ABCA2: variants seen among roughly 807,000 people sequenced by gnomAD.
The protein encoded by ABCA2 is ATP-binding cassette sub-family A member 2.
A neutral mutation model predicts 262.8 loss-of-function variants in ABCA2; 84 were observed. The ratio of observed to expected loss-of-function variants is 0.32; its 90% CI spans 0.27 to 0.38. The LOEUF is 0.38. Ranked by LOEUF, ABCA2 falls within the 10% of genes least tolerant of loss-of-function variation. The pLI is 1.00. For missense variants in ABCA2, 2,662 were observed against 3,405.9 expected, an observed-to-expected ratio of 0.78 and a Z score of 5.44; for synonymous variants, 1,696 against 1,502.9, an observed-to-expected ratio of 1.13 and a Z score of -2.97.
chr9:137,024,262 A>T (rs1226314626), intron 1 of ABCA2, 26 bp from the exon 2 acceptor site: 5 of 1,585,872 alleles, frequency 3.2e-6, no homozygotes, highest in East Asian at 2.3e-5. Flanking sequence ...CCAGTGAGGG[A>T]TAGGACAGAC....
In ABCA2 at chr9:137,014,350, C is replaced by T. The variant is rs762192360; in HGVS notation, c.4058G>A (p.Gly1353Glu). The T allele has an allele frequency of 3.9e-5, 62 of 1,602,992 alleles. No individual in the cohort carries two copies. In the Admixed American group the frequency reaches 1.0e-3, roughly 26 times the overall value. The change falls in exon 27 of 49, where the codon GGG becomes GAG. Residue 1353 changes from glycine to glutamate, a missense_variant. Gly to Glu is a moderately conservative substitution (Grantham distance 98). This residue lies in a region of ABCA2 where 297 missense variants were observed against 286.5 expected (regional missense o/e 1.04). Coordinates refer to ENST00000341511, the MANE Select transcript of ABCA2 (RefSeq NM_001606.5). ...GGCCAGATTGCCAGCGTGACCCTCC[C>T]CAGACGCCGGGCCCTCCGCCCCAGG... is the stretch of plus-strand genomic sequence containing the variant. ...VLPGAEGPAS[G>E]EGHAGNLARC...
rs774066387 is a variant in ABCA2, at chr9:137,010,134, C to G, written c.6354-10G>C. On this transcript the variant is annotated splice_polypyrimidine_tract_variant and intron_variant, in intron 41 of 48. Coordinates refer to ENST00000341511, the MANE Select transcript of ABCA2 (RefSeq NM_001606.5). ...CAGCTCCTTCAGCACGCTGGGGACACGGCAGCTGTCAGCGCGTGAGGACGC... is the reference window on the plus strand; with the variant it reads ...CAGCTCCTTCAGCACGCTGGGGACAGGGCAGCTGTCAGCGCGTGAGGACGC... The G allele has an allele frequency of 6.3e-7, 1 of 1,591,164 alleles. No individual in the cohort carries two copies. Among genetic ancestry groups the G allele is most frequent in the African/African-American group, 1.3e-5 (1 of 74,584 alleles).
At chr9:137,025,971 G>T (rs1218144228) in intron 1 of ABCA2, among the ~76,000 whole-genome samples, 1 of 152,212 alleles carries the variant, frequency 6.6e-6, no homozygotes, top group Admixed American at 6.5e-5. Flanking sequence ...GACCAGCCCA[G>T]TGCCTTCACA....
chr9:137,018,862 CAG>C (rs2131456520), intron 12 of ABCA2, 39 bp downstream of exon 12: 1 of 1,612,282 alleles, frequency 6.2e-7, no homozygotes, highest in East Asian at 2.2e-5. Flanking sequence ...ATGTGCGAGG[CAG>C]GGGGTGTCGT....
chr9:137,023,947 A>T, intron 2 of ABCA2, 107 bp from the exon 3 acceptor site: 1 of 1,437,600 alleles, frequency 7.0e-7, no homozygotes, highest in Non-Finnish European at 9.6e-7. Context: ...CGTTGGCATC[A>T]TCATTCGCGG....
Position 137,016,344 on chromosome 9 carries a change from C to T in ABCA2, c.3051G>A (p.Glu1017=). 1 of 1,612,908 alleles carries T rather than the reference C, an allele frequency of 6.2e-7. No homozygotes were observed. Among genetic ancestry groups the T allele is most frequent in the Non-Finnish European group, 8.5e-7 (1 of 1,179,984 alleles). Residue 1017 remains glutamate, a synonymous_variant, in exon 21 of 49, where the codon GAG becomes GAA. Transcript: ENST00000341511. The part of the protein sequence containing the change: ...ALNKLSLNLY[E]NQVVSFLGHN... The stretch of plus-strand genomic sequence containing the variant: ...GGCCCAAGAAGGAGACCACCTGGTT[C>T]TCGTAGAGGTTCAGGCTCAGCTTGT...
chr9:137,014,432 A>G (rs766704138), intron 26 of ABCA2, 28 bp from the exon 27 acceptor site: 3 of 1,555,768 alleles, frequency 1.9e-6, no homozygotes, highest in Non-Finnish European at 2.6e-6. Context: ...CCGAGGGGAC[A>G]CTCAGGGCTA....
rs754009794 is a variant in ABCA2, at chr9:137,022,832, C to A, written c.309G>T (p.Val103=). 4 of 1,588,216 alleles carry A rather than the reference C, an allele frequency of 2.5e-6. No homozygotes were observed. In the Admixed American group the frequency reaches 7.1e-5, roughly 28 times the overall value. The change falls in exon 5 of 49, where the codon GTG becomes GTT. Residue 103 remains valine, a synonymous_variant. Coordinates refer to ENST00000341511, the MANE Select transcript of ABCA2 (RefSeq NM_001606.5). ...VTQLLERLDR[V]VEEGNLFDPA... Reference sequence around the variant, plus strand: ...GGTCAAACAGGTTGCCTTCCTCCACCACGCGGTCCAGGCGCTCAAGCAGCT... The same window carrying A: ...GGTCAAACAGGTTGCCTTCCTCCACAACGCGGTCCAGGCGCTCAAGCAGCT...
chr9:137,017,769 G>C lies in ABCA2; in HGVS notation c.2211+18C>G. On this transcript the variant is annotated intron_variant, in intron 16 of 48. Transcript: ENST00000341511. Reference sequence around the variant, plus strand: ...CCCTGCCAGCCCGCGCCTCCAGGGAGAGTCCCGGCCCGCGCACCTCCTTGA... The same window carrying C: ...CCCTGCCAGCCCGCGCCTCCAGGGACAGTCCCGGCCCGCGCACCTCCTTGA... 6.2e-7 allele frequency: 1 copy of C among 1,611,758 alleles called. No individual in the cohort carries two copies. Among genetic ancestry groups the C allele is most frequent in the Non-Finnish European group, 8.5e-7 (1 of 1,179,318 alleles).
upstream of ABCA2, chr9:137,028,257 G>A (rs1323180419): frequency 3.1e-6 from 3 of 978,454 alleles, no homozygotes; most frequent in East Asian, 3.5e-4. This position sits in a 1 kb window ranked among gnomAD's most constrained non-coding sequence, Gnocchi z 6.9. Flanking sequence ...GCGCTCGGGC[G>A]TCCGGGACCC....
At position 137,016,653 on chromosome 9, in the gene ABCA2, C is replaced by G; in HGVS notation, c.2844G>C (p.Trp948Cys). ...GGGGGGTGCGTGCCCACGGCCAGCT[C>G]CACTCCCAGGCTTCTGTCCGCCCAC... is the stretch of plus-strand genomic sequence containing the variant. ...LGSGRTEAWE[W>C]SWPWARTPRL... The change falls in exon 20 of 49, where the codon TGG becomes TGC. Residue 948 changes from tryptophan to cysteine, a missense_variant. Trp to Cys is a radical substitution (Grantham distance 215). Coordinates refer to ENST00000341511, the MANE Select transcript of ABCA2 (RefSeq NM_001606.5). The G allele has an allele frequency of 1.9e-6, 3 of 1,607,014 alleles. No individual in the cohort carries two copies. Among genetic ancestry groups the G allele is most frequent in the Non-Finnish European group, 2.5e-6 (3 of 1,177,116 alleles).
chr9:137,012,392 G>A lies in ABCA2; in HGVS notation c.5188-16C>T, dbSNP rs374949025. On this transcript the variant is annotated splice_polypyrimidine_tract_variant and intron_variant, in intron 32 of 48. Coordinates refer to ENST00000341511, the MANE Select transcript of ABCA2 (RefSeq NM_001606.5). ...TGTAGAAAACCTGCAGAAGGAAGAG[G>A]ACACAGAAAGGCCCCAGGACCTCAG... The A allele has an allele frequency of 3.4e-5, 55 of 1,610,266 alleles. No individual in the cohort carries two copies. In the Middle Eastern group the frequency reaches 9.9e-4, roughly 29 times the overall value.
At chr9:137,014,135 C>T in intron 27 of ABCA2, 33 bp downstream of exon 27, 2 of 1,596,786 alleles carry the variant, frequency 1.3e-6, no homozygotes, top group South Asian at 1.1e-5. Flanking sequence ...CTCCCCCTCC[C>T]TTGCTGTCCC....
Position 137,019,886 on chromosome 9 carries a change from A to C in ABCA2, c.1425+450T>G. The C allele has an allele frequency of 4.9e-6, 1 of 204,132 alleles. No homozygotes were observed. The highest frequency in any genetic ancestry group is 1.0e-5 in the Non-Finnish European group (1 of 100,098). The allele number at this position is 204,132 out of a possible 1,614,324, so 12.6% of individuals were successfully genotyped here. ...CCAATGCTCCACCCTCATCTGTCCC[A>C]CCCTCATCCTAGGGACCCCCTCTAC... On this transcript the variant is annotated intron_variant, in intron 10 of 48. Transcript: ENST00000341511. The surrounding 1 kb of genome is among the most constrained non-coding windows in gnomAD (Gnocchi z 4.4).
rs760722408 is a variant in ABCA2 at position 137,021,593 on chromosome 9, A to T, written c.696T>A (p.Pro232=). The T allele has an allele frequency of 1.9e-6, 3 of 1,557,548 alleles. No individual in the cohort carries two copies. Among genetic ancestry groups the T allele is most frequent in the East Asian group, 4.8e-5 (2 of 41,472 alleles). The change falls in exon 8 of 49, where the codon CCT becomes CCA. Residue 232 remains proline, a synonymous_variant. Coordinates refer to ENST00000341511, the MANE Select transcript of ABCA2 (RefSeq NM_001606.5). This position sits in a 1 kb window ranked among gnomAD's most constrained non-coding sequence, Gnocchi z 6.0. ...TGCAGGTGAGCTGCTCCAGGAGGGC[A>T]GGAGCCAGCAGCAGCTCCTGGGATG... ...LFRMEELLLA[P]ALLEQLTCTP... is the part of the protein sequence containing the mutation.
rs374144444 is a variant in ABCA2, at chr9:137,014,816, G to A, written c.3883-6C>T. 32 of 1,598,188 alleles carry A rather than the reference G, an allele frequency of 2.0e-5. No individual in the cohort carries two copies. The East Asian group carries it at 4.1e-4, about 20-fold the overall frequency. On this transcript the variant is annotated splice_region_variant and splice_polypyrimidine_tract_variant and intron_variant, in intron 25 of 48. Transcript: ENST00000341511. ...TCCAGGCTGCGCTCCAGGTGCTGCA[G>A]GGGCGGTGGAGGGGGAGGCTGCGGC...
intron 34 of ABCA2, 33 bp downstream of exon 34, chr9:137,012,069 T>C (rs373403188): frequency 6.2e-7 from 1 of 1,612,310 alleles, no homozygotes; most frequent in Non-Finnish European, 8.5e-7. Context: ...AGTGCCCACC[T>C]GCCCCACCTC....
In ABCA2 at chr9:137,016,515, G is replaced by T. The variant is rs1166049848; in HGVS notation, c.2924-44C>A. On this transcript the variant is annotated intron_variant, in intron 20 of 48. Transcript: ENST00000341511. Reference sequence around the variant, plus strand: ...TCAGCAGGGTGGGGGCGGCGCCAAGGCCACCCAGGACTCTGAACCCAGCGC... The same window carrying T: ...TCAGCAGGGTGGGGGCGGCGCCAAGTCCACCCAGGACTCTGAACCCAGCGC... The T allele has an allele frequency of 1.9e-6, 3 of 1,612,328 alleles. No homozygotes were observed. In the South Asian group the frequency reaches 3.3e-5, roughly 18 times the overall value.
intron 40 of ABCA2, 47 bp from the exon 41 acceptor site, chr9:137,010,418 G>A (rs778406708): frequency 4.1e-5 from 60 of 1,446,004 alleles, no homozygotes; most frequent in Non-Finnish European, 4.5e-5. Context: ...CCCCCACCCT[G>A]CCCCTCTGGC....
Sources: gnomAD v4.1 joint callset for allele counts (sites outside exome capture counted in the v4.1 genomes callset) on GRCh38, gnomAD v4.1.1 for gene constraint, gnomAD v4.1.1 regional missense constraint, Gnocchi (gnomAD v3.1) non-coding constraint, MANE v1.5 for transcripts, NCBI Gene and HGNC (gene_info 2026-07-23, HGNC 2026-07-21) for gene names.